The following CDYL2 variants were observed in gnomAD, a reference collection of about 807,000 sequenced individuals.
CDYL2 encodes chromodomain Y like 2, also known as chromodomain Y-like protein 2.
Under a neutral mutation model 49.4 loss-of-function variants are expected in CDYL2, and 23 were observed. The ratio of observed to expected loss-of-function variants is 0.47; its 90% CI spans 0.34 to 0.66. The LOEUF (loss-of-function observed/expected upper bound fraction) is 0.66, where lower values mean the gene tolerates loss of function less well. Ranked by LOEUF, CDYL2 falls within the 30% of genes least tolerant of loss-of-function variation. The pLI, the probability that CDYL2 is intolerant of heterozygous loss-of-function variation, is 0.01. For missense variants in CDYL2, 678 were observed against 656.4 expected, an observed-to-expected ratio of 1.03 and a Z score of -0.36; for synonymous variants, 360 against 268.8, an observed-to-expected ratio of 1.34 and a Z score of -3.32.
At position 80,684,927 on chromosome 16, in the gene CDYL2, TTGGAGG is replaced by T. The variant is rs763740410; in HGVS notation, c.221_226del (p.Thr74_Ser75del). 1.4e-4 allele frequency: 224 copies of T among 1,614,050 alleles called. 1 individual carries two copies. The highest frequency in any genetic ancestry group is 1.7e-4 in the Non-Finnish European group (204 of 1,180,044). The stretch of plus-strand genomic sequence containing the variant: ...CGGGCCTCGACTGTCACGCAGCAGC[TTGGAGG>T]TACTGGACTGCTTCCCTGACTTGAT... On this transcript the variant is annotated inframe_deletion, in exon 2 of 7. Transcript: ENST00000570137.
At chr16:80,656,402 C>T (rs1908813687) in intron 2 of CDYL2, among the ~76,000 whole-genome samples, 1 of 152,246 alleles carries the variant, frequency 6.6e-6, no homozygotes, top group Non-Finnish European at 1.5e-5. Flanking sequence ...GGGGGCACTG[C>T]CTGCATTCAG....
intron 1 of CDYL2, among the ~76,000 whole-genome samples, chr16:80,780,290 T>C (rs1337528195): frequency 1.3e-5 from 2 of 151,156 alleles, no homozygotes; most frequent in Non-Finnish European, 2.9e-5. Context: ...GATTTATCAA[T>C]AACAACATGA....
intron 1 of CDYL2, among the ~76,000 whole-genome samples, chr16:80,705,363 G>C (rs1041138456): frequency 2.0e-5 from 3 of 152,234 alleles, no homozygotes; most frequent in Non-Finnish European, 4.4e-5. Flanking sequence ...AGCGATGCTA[G>C]AGTCCTAATG....
At chr16:80,768,108 C>G (rs1360753807) in intron 1 of CDYL2, among the ~76,000 whole-genome samples, 1 of 152,180 alleles carries the variant, frequency 6.6e-6, no homozygotes, top group Non-Finnish European at 1.5e-5. Context: ...ACACCAGTAA[C>G]AAGAGAAACA....
At chr16:80,729,723 T>C (rs1905268115) in intron 1 of CDYL2, among the ~76,000 whole-genome samples, 1 of 152,062 alleles carries the variant, frequency 6.6e-6, no homozygotes, top group Admixed American at 6.5e-5. Context: ...TCGGCAAATA[T>C]AAAAGAACAG....
intron 1 of CDYL2, among the ~76,000 whole-genome samples, chr16:80,715,482 A>G (rs866516802): frequency 6.6e-5 from 10 of 152,152 alleles, no homozygotes; most frequent in African/African-American, 2.2e-4. Flanking sequence ...TTTGCAAGAC[A>G]TTTACAGACA....
chr16:80,725,834 G>T (rs1459161753), intron 1 of CDYL2, among the ~76,000 whole-genome samples: 2 of 152,192 alleles, frequency 1.3e-5, no homozygotes, highest in Admixed American at 1.3e-4. Context: ...CCGGATGAGG[G>T]AATCCCCATT....
intron 3 of CDYL2, among the ~76,000 whole-genome samples, chr16:80,629,165 G>C (rs368517841): frequency 1.3e-5 from 2 of 152,288 alleles, no homozygotes; most frequent in African/African-American, 4.8e-5. Context: ...ATTTGGTTGG[G>C]GAGGGGTGTG....
chr16:80,637,333 C>A (rs1031549991), intron 2 of CDYL2, among the ~76,000 whole-genome samples: 8 of 152,060 alleles, frequency 5.3e-5, no homozygotes, highest in African/African-American at 1.2e-4. Context: ...ATGCTTTGCC[C>A]TTAAGATCTG....
At chr16:80,606,289 C>A (rs1475292532) in intron 6 of CDYL2, among the ~76,000 whole-genome samples, 5 of 152,228 alleles carry the variant, frequency 3.3e-5, no homozygotes, top group Non-Finnish European at 1.5e-5. Flanking sequence ...TGGGAAACCC[C>A]CCCAGCATTC....
At chr16:80,762,266 G>A (rs1399213261) in intron 1 of CDYL2, among the ~76,000 whole-genome samples, 1 of 152,200 alleles carries the variant, frequency 6.6e-6, no homozygotes, top group African/African-American at 2.4e-5. Flanking sequence ...ATGAACTTCA[G>A]AAGAGTCGCA....
At position 80,633,013 on chromosome 16, in the gene CDYL2, C is replaced by T; in HGVS notation, c.834+6G>A. 1.2e-6 allele frequency: 2 copies of T among 1,612,492 alleles called. No individual in the cohort carries two copies. The highest frequency in any genetic ancestry group is 1.7e-6 in the Non-Finnish European group (2 of 1,178,620). ...CTTGCCCTTCCCTCTGGCCGCCACC[C>T]CTTACCTCAGGTGTCAGGGCATTGT... On this transcript the variant is annotated splice_donor_region_variant and intron_variant, in intron 3 of 6. Transcript: ENST00000570137.
chr16:80,685,234 C>G (rs756767090), intron 1 of CDYL2, 105 bp from the exon 2 acceptor site: 167 of 870,782 alleles, frequency 1.9e-4, no homozygotes, highest in Non-Finnish European at 2.8e-4. Context: ...AGGCATCTAC[C>G]CTAGCCAGGG....
At chr16:80,797,552 A>G (rs542344377) in intron 1 of CDYL2, among the ~76,000 whole-genome samples, 5 of 152,098 alleles carry the variant, frequency 3.3e-5, no homozygotes, top group Non-Finnish European at 7.4e-5. Context: ...TCACCCTTCT[A>G]TCCTTACCTT....
chr16:80,716,019 T>C (rs900213363), intron 1 of CDYL2, among the ~76,000 whole-genome samples: 2 of 152,258 alleles, frequency 1.3e-5, no homozygotes, highest in Non-Finnish European at 2.9e-5. Flanking sequence ...TCTTTATGCC[T>C]CAGTTCCTCA....
chr16:80,745,915 T>A (rs1213384202), intron 1 of CDYL2, among the ~76,000 whole-genome samples: 23 of 152,038 alleles, frequency 1.5e-4, no homozygotes, highest in Admixed American at 1.5e-3. Context: ...CCACAAGAAG[T>A]AACACGTGGC....
intron 2 of CDYL2, among the ~76,000 whole-genome samples, chr16:80,634,144 A>AGGG (rs1382477795): frequency 6.6e-6 from 1 of 152,086 alleles, no homozygotes; most frequent in Non-Finnish European, 1.5e-5. Flanking sequence ...GAAATGAAAG[A>AGGG]GGGGGCATCA....
At chr16:80,638,184 C>T (rs1384619991) in intron 2 of CDYL2, among the ~76,000 whole-genome samples, 1 of 152,032 alleles carries the variant, frequency 6.6e-6, no homozygotes, top group Non-Finnish European at 1.5e-5. Flanking sequence ...AAACTATATT[C>T]CCTCCTTAGC....
Position 80,647,052 on chromosome 16 carries a change from C to G in CDYL2, c.617-13816G>C, listed in dbSNP as rs533085370. ...AAATACACAAAAATCAATAGCATTTCTATATGCCAACAGTAAACAATCTGA... is the reference window on the plus strand; with the variant it reads ...AAATACACAAAAATCAATAGCATTTGTATATGCCAACAGTAAACAATCTGA... On this transcript the variant is annotated intron_variant, in intron 2 of 6. Coordinates refer to ENST00000570137, the MANE Select transcript of CDYL2 (RefSeq NM_152342.4). Among the ~76,000 whole-genome samples the G allele has an allele frequency of 3.9e-5, 6 of 152,202 alleles. 1 individual carries two copies. Among genetic ancestry groups the G allele is most frequent in the South Asian group, 2.1e-4 (1 of 4,830 alleles).
Sources: gnomAD v4.1 joint callset for allele counts (sites outside exome capture counted in the v4.1 genomes callset) on GRCh38, gnomAD v4.1.1 for gene constraint, MANE v1.5 for transcripts, NCBI Gene and HGNC (gene_info 2026-07-23, HGNC 2026-07-21) for gene names.